The following NKAIN3 variants were observed in gnomAD, a reference collection of about 807,000 sequenced individuals.
NKAIN3 encodes the protein sodium/potassium-transporting ATPase subunit beta-1-interacting protein 3.
In NKAIN3, 25 loss-of-function variants were observed where a neutral mutation model predicts 30.2. That is an observed-to-expected ratio of 0.83 (90% CI 0.60 to 1.16). NKAIN3 has a LOEUF of 1.16. NKAIN3 is among the 50% of genes most tolerant of loss of function. The pLI, the probability that NKAIN3 is intolerant of heterozygous loss-of-function variation, is 0.00. For synonymous variants in NKAIN3, 91 were observed against 89.6 expected, an observed-to-expected ratio of 1.02 and a Z score of -0.09; for missense variants, 225 against 254.1, an observed-to-expected ratio of 0.89 and a Z score of 0.78.
intron 3 of NKAIN3, among the ~76,000 whole-genome samples, chr8:62,622,502 A>G (rs1267006182): frequency 1.3e-5 from 2 of 151,930 alleles, no homozygotes; most frequent in African/African-American, 4.8e-5. Flanking sequence ...GTGATATTTC[A>G]TTGTGGCTTT....
chr8:62,575,547 A>T (rs1337877229), intron 1 of NKAIN3, among the ~76,000 whole-genome samples: 1 of 152,132 alleles, frequency 6.6e-6, no homozygotes, highest in East Asian at 1.9e-4. Context: ...ACCCAAGGCA[A>T]TCCACAGATC....
At chr8:62,847,775 A>G (rs1024034914) in intron 4 of NKAIN3, among the ~76,000 whole-genome samples, 6 of 123,162 alleles carry the variant, frequency 4.9e-5, no homozygotes, top group African/African-American at 5.8e-5. Context: ...CCTGAATGGC[A>G]TTGCTTAGGT....
chr8:62,858,395 G>A (rs914494789), intron 4 of NKAIN3, among the ~76,000 whole-genome samples: 2 of 152,108 alleles, frequency 1.3e-5, no homozygotes, highest in African/African-American at 4.8e-5. Context: ...CATGCGTGTT[G>A]GGGATCTCTT....
chr8:62,360,878 CTTCT>C (rs1816538642), intron 1 of NKAIN3, among the ~76,000 whole-genome samples: 1 of 152,000 alleles, frequency 6.6e-6, no homozygotes, highest in African/African-American at 2.4e-5. Context: ...ATGTAATGAC[CTTCT>C]TTGTCTTTTT....
chr8:62,438,535 A>G (rs563595452), intron 1 of NKAIN3, among the ~76,000 whole-genome samples: 2 of 152,088 alleles, frequency 1.3e-5, no homozygotes, highest in African/African-American at 4.8e-5. Flanking sequence ...CGTAAGGGAC[A>G]TCAGTAGGGC....
chr8:62,689,504 A>C (rs911917852), intron 3 of NKAIN3, among the ~76,000 whole-genome samples: 4 of 152,250 alleles, frequency 2.6e-5, no homozygotes, highest in African/African-American at 9.6e-5. Flanking sequence ...CCAAACAATG[A>C]ATTTGCACTC....
intron 1 of NKAIN3, among the ~76,000 whole-genome samples, chr8:62,447,907 G>A (rs527944388): frequency 3.9e-4 from 59 of 152,118 alleles, no homozygotes; most frequent in Non-Finnish European, 6.8e-4. Context: ...GTTTAGATAA[G>A]TGGGATGTTT....
chr8:62,692,858 A>C (rs1347095320), intron 3 of NKAIN3, among the ~76,000 whole-genome samples: 1 of 152,116 alleles, frequency 6.6e-6, no homozygotes, highest in Non-Finnish European at 1.5e-5. Context: ...GATTCTGGAG[A>C]GCTGTGATCT....
chr8:62,849,072 T>C (rs1819779983), intron 4 of NKAIN3, among the ~76,000 whole-genome samples: 1 of 152,166 alleles, frequency 6.6e-6, no homozygotes, highest in African/African-American at 2.4e-5. Context: ...GCCAGTGTTT[T>C]GTTGAGGATT....
intron 3 of NKAIN3, among the ~76,000 whole-genome samples, chr8:62,661,964 TA>T (rs1266652533): frequency 1.3e-5 from 2 of 152,100 alleles, no homozygotes; most frequent in African/African-American, 4.8e-5. Context: ...AAATTTCACC[TA>T]CCAAGGTCTC....
At chr8:62,334,609 A>G (rs556127355) in intron 1 of NKAIN3, among the ~76,000 whole-genome samples, 1 of 152,220 alleles carries the variant, frequency 6.6e-6, no homozygotes, top group East Asian at 1.9e-4. Context: ...TATTTTTAGA[A>G]CCAGTATGAA....
chr8:62,448,238 G>T (rs1470677274), intron 1 of NKAIN3, among the ~76,000 whole-genome samples: 2 of 151,690 alleles, frequency 1.3e-5, no homozygotes, highest in African/African-American at 4.8e-5. Flanking sequence ...TTCCGCAGAG[G>T]AACATATCAG....
At chr8:62,496,526 T>G (rs951070663) in intron 1 of NKAIN3, among the ~76,000 whole-genome samples, 13 of 152,302 alleles carry the variant, frequency 8.5e-5, no homozygotes, top group African/African-American at 2.9e-4. Flanking sequence ...TTATTGATTC[T>G]GGTTAACACA....
intron 1 of NKAIN3, among the ~76,000 whole-genome samples, chr8:62,454,519 T>G (rs924472466): frequency 6.8e-6 from 1 of 147,700 alleles, no homozygotes; most frequent in Non-Finnish European, 1.5e-5. Flanking sequence ...AACTATACAG[T>G]GGGGTAAAAA....
At chr8:62,464,151 TGA>T (rs1224484749) in intron 1 of NKAIN3, among the ~76,000 whole-genome samples, 2 of 152,180 alleles carry the variant, frequency 1.3e-5, no homozygotes, top group Non-Finnish European at 2.9e-5. Context: ...GGAAACTGGG[TGA>T]GGAGTATGTG....
intron 1 of NKAIN3, among the ~76,000 whole-genome samples, chr8:62,452,228 C>T (rs1242692451): frequency 2.0e-5 from 3 of 152,104 alleles, no homozygotes; most frequent in Non-Finnish European, 4.4e-5. Context: ...GTAATCCCAG[C>T]ACTTTGGGAG....
chr8:62,708,383 G>A (rs1294165381), intron 3 of NKAIN3, among the ~76,000 whole-genome samples: 1 of 151,998 alleles, frequency 6.6e-6, no homozygotes, highest in African/African-American at 2.4e-5. Context: ...ATTTGTTTAT[G>A]TTGTCTATGA....
chr8:62,689,592 T>A (rs769905109), intron 3 of NKAIN3, among the ~76,000 whole-genome samples: 13 of 152,064 alleles, frequency 8.5e-5, no homozygotes, highest in Admixed American at 4.6e-4. Context: ...GATGATGTGC[T>A]TGTTCCCAAA....
At chr8:62,769,041 G>A (rs1255609426) in intron 4 of NKAIN3, among the ~76,000 whole-genome samples, 1 of 152,034 alleles carries the variant, frequency 6.6e-6, no homozygotes, top group African/African-American at 2.4e-5. Context: ...TCAGGCAATT[G>A]GCACTCTTGA....
Sources: allele counts gnomAD v4.1 joint callset (sites outside exome capture counted in the v4.1 genomes callset), GRCh38; gene constraint gnomAD v4.1.1; transcripts MANE v1.5; gene names NCBI Gene and HGNC (gene_info 2026-07-23, HGNC 2026-07-21).